Variants in MYOM2 observed in about 807,000 individuals in gnomAD.
MYOM2 encodes myomesin 2, also known as myomesin-2.
In MYOM2, 254 loss-of-function variants were observed where a neutral mutation model predicts 187.6. That is an observed-to-expected ratio of 1.35 (90% confidence interval 1.22 to 1.50). The LOEUF is 1.50. Ranked by LOEUF, MYOM2 falls within the 40% of genes most tolerant of loss-of-function variation. MYOM2 has a pLI of 0.00. For missense variants in MYOM2, 2,796 were observed against 1,924.0 expected, an observed-to-expected ratio of 1.45 and a Z score of -8.48; for synonymous variants, 981 against 753.8, an observed-to-expected ratio of 1.30 and a Z score of -4.94.
chr8:2,064,458 G>A (rs1001834494), intron 6 of MYOM2, among the ~76,000 whole-genome samples: 1 of 152,218 alleles, frequency 6.6e-6, no homozygotes, highest in Non-Finnish European at 1.5e-5. Flanking sequence ...GTCGTCAGTG[G>A]GTCGGGATCT....
chr8:2,086,944 T>C (rs1796112972), intron 14 of MYOM2, among the ~76,000 whole-genome samples: 1 of 152,114 alleles, frequency 6.6e-6, no homozygotes, highest in Non-Finnish European at 1.5e-5. Flanking sequence ...AAGCTTTTTT[T>C]TTTTCCTGAA....
rs1585905493 is a variant in MYOM2, at chr8:2,100,111, T to TC, written c.2441-764dup. Among the ~76,000 whole-genome samples the TC allele has an allele frequency of 3.7e-3, 364 of 98,038 alleles. 4 individuals carry two copies. The highest frequency in any genetic ancestry group is 0.011 in the African/African-American group (288 of 27,050). The allele number at this position is 98,038 out of a possible 152,430, so 64.3% of individuals were successfully genotyped here. A position where few individuals can be genotyped will look rare whatever the true frequency, so the allele number is the denominator to read the frequency against. ...TTCCTTCCTTCCTTCCTTCCTTCTTTCTTTCCTTCCTTCCTTCTTTCCTTC... is the reference window on the plus strand; with the variant it reads ...TTCCTTCCTTCCTTCCTTCCTTCTTTCCTTTCCTTCCTTCCTTCTTTCCTTC... On this transcript the variant is annotated intron_variant, in intron 19 of 36. Coordinates refer to ENST00000262113, the MANE Select transcript of MYOM2 (RefSeq NM_003970.4).
chr8:2,115,036 G>A (rs551941464), intron 25 of MYOM2, among the ~76,000 whole-genome samples: 1 of 147,650 alleles, frequency 6.8e-6, no homozygotes, highest in East Asian at 2.0e-4. Context: ...GTTTTGAAAG[G>A]TTTCATTAGA....
intron 31 of MYOM2, 51 bp downstream of exon 31, chr8:2,124,268 A>G (rs1429088844): frequency 1.9e-6 from 3 of 1,541,952 alleles, no homozygotes; most frequent in Admixed American, 3.5e-5. Context: ...TGAAATCACT[A>G]TTTCCTGACA....
chr8:2,048,753 T>TTTTA lies in MYOM2; in HGVS notation c.-12-1982_-12-1979dup, dbSNP rs772929748. On this transcript the variant is annotated intron_variant, in intron 1 of 36. Coordinates refer to ENST00000262113, the MANE Select transcript of MYOM2 (RefSeq NM_003970.4). ...ATCAGGGCGGGTGGAGGAGATATGC[T>TTTTA]TTTATTTATTTATTTATTTATTTTA... is the stretch of plus-strand genomic sequence containing the variant. 3.4e-4 allele frequency among the ~76,000 whole-genome samples: 51 copies of TTTTA among 151,210 alleles called. 2 individuals are homozygous for TTTTA. In the East Asian group the frequency reaches 4.7e-3, roughly 14 times the overall value.
Position 2,143,417 on chromosome 8 carries a change from C to G in MYOM2, c.4041C>G (p.Ile1347Met). Reference protein sequence around the residue: ...AFAEKNRGRLIGGLPDVVTIM... With the variant: ...AFAEKNRGRLMGGLPDVVTIM... ...CCGTTGCAGATCGTGGCAGGTTGAT[C>G]GGCGGCTTGCCTGACGTGGTGACCA... is the stretch of plus-strand genomic sequence containing the variant. Residue 1347 changes from isoleucine (I) to methionine (M), a missense_variant, in exon 36 of 37, where the codon ATC becomes ATG. By Grantham distance (10) the Ile-to-Met change is conservative. Coordinates refer to ENST00000262113, the MANE Select transcript of MYOM2 (RefSeq NM_003970.4). The G allele has an allele frequency of 6.2e-7, 1 of 1,614,130 alleles. No individual in the cohort carries two copies. Among genetic ancestry groups the G allele is most frequent in the Non-Finnish European group, 8.5e-7 (1 of 1,180,046 alleles).
intron 1 of MYOM2, among the ~76,000 whole-genome samples, chr8:2,048,878 C>G (rs1459326452): frequency 6.6e-6 from 1 of 151,664 alleles, no homozygotes; most frequent in Non-Finnish European, 1.5e-5. Flanking sequence ...CAAGCTCCGC[C>G]TCCCAGGTTC....
intron 11 of MYOM2, among the ~76,000 whole-genome samples, chr8:2,078,331 C>A (rs1013212942): frequency 4.6e-5 from 7 of 152,190 alleles, no homozygotes; most frequent in Non-Finnish European, 1.0e-4. Context: ...GTTTCCCCAG[C>A]CTGGGCCTCA....
Position 2,144,852 on chromosome 8 carries a change from G to C in MYOM2, c.4269G>C (p.Lys1423Asn). ...AGTACAGCATCAACATCAAGAATAA[G>C]TATGGCGGGGAGAAGATCGACGTGA... is the stretch of plus-strand genomic sequence containing the variant. ...SGKYSINIKN[K>N]YGGEKIDVTV... is the part of the protein sequence containing the mutation. Residue 1423 changes from lysine (K) to asparagine (N), a missense_variant, in exon 37 of 37, where the codon AAG becomes AAC. By Grantham distance (94) the Lys-to-Asn change is moderately conservative. Transcript: ENST00000262113. 1 of 1,614,158 alleles carries C rather than the reference G, an allele frequency of 6.2e-7. No homozygotes were observed. The highest frequency in any genetic ancestry group is 8.5e-7 in the Non-Finnish European group (1 of 1,180,034).
chr8:2,079,614 G>A lies in MYOM2; in HGVS notation c.1516+1G>A. 1 of 1,614,112 alleles carries A rather than the reference G, an allele frequency of 6.2e-7. No individual in the cohort carries two copies. The highest frequency in any genetic ancestry group is 8.5e-7 in the Non-Finnish European group (1 of 1,179,974). ...GCCATTTATCAGGATGACCTTGAAG[G>A]TAAGTAGCACCTCATCACCCCAGCT... is the stretch of plus-strand genomic sequence containing the variant. On this transcript the variant is annotated splice_donor_variant, in intron 13 of 36. Coordinates refer to ENST00000262113, the MANE Select transcript of MYOM2 (RefSeq NM_003970.4). LOFTEE classifies it high-confidence loss of function.
chr8:2,133,994 C>T (rs1423540171), intron 32 of MYOM2, among the ~76,000 whole-genome samples: 3 of 150,978 alleles, frequency 2.0e-5, no homozygotes, highest in Admixed American at 6.6e-5. Context: ...ACCCTCTTCC[C>T]CTGAGGTTAA....
chr8:2,100,427 C>T (rs1796667134), intron 19 of MYOM2: 2 of 169,660 alleles, frequency 1.2e-5, no homozygotes, highest in Admixed American at 5.8e-5. Flanking sequence ...ACCTGGGCCT[C>T]CGCACCACAT....
chr8:2,126,826 G>T (rs557553393), intron 31 of MYOM2, among the ~76,000 whole-genome samples: 9 of 143,162 alleles, frequency 6.3e-5, no homozygotes, highest in Non-Finnish European at 9.1e-5. Flanking sequence ...AAGTCTGGGG[G>T]AGCACTGGGA....
At chr8:2,051,781 T>C (rs1334546184) in intron 2 of MYOM2, among the ~76,000 whole-genome samples, 1 of 152,126 alleles carries the variant, frequency 6.6e-6, no homozygotes, top group African/African-American at 2.4e-5. Flanking sequence ...GGGGTATGGG[T>C]GTGGGCACAC....
intron 14 of MYOM2, 57 bp downstream of exon 14, chr8:2,085,447 A>ATCTCCGCGTGGCCCCCCACAGTCG: frequency 1.5e-6 from 2 of 1,342,496 alleles, no homozygotes; most frequent in Admixed American, 4.4e-5. Flanking sequence ...CCCCACTGTC[A>ATCTCCGCGTGGCCCCCCACAGTCG]TGATCTCTGC....
In MYOM2 at chr8:2,073,401, T is replaced by A; in HGVS notation, c.1021T>A (p.Ser341Thr). ...CTTTGGAGAAGGCCAGGCCTCCCTG[T>A]CCTTCAGCCACCTGCACAAGGACGA... is the stretch of plus-strand genomic sequence containing the variant. ...MFFGEGQASL[S>T]FSHLHKDDEG... Residue 341 changes from serine to threonine, a missense_variant, in exon 10 of 37, where the codon TCC (serine) becomes ACC (threonine). By Grantham distance (58) the Ser-to-Thr change is moderately conservative (BLOSUM62 1). Coordinates refer to ENST00000262113, the MANE Select transcript of MYOM2 (RefSeq NM_003970.4). The A allele has an allele frequency of 6.2e-7, 1 of 1,613,424 alleles. No individual in the cohort carries two copies. Among genetic ancestry groups the A allele is most frequent in the Non-Finnish European group, 8.5e-7 (1 of 1,179,812 alleles).
chr8:2,122,232 C>T (rs187282775), intron 28 of MYOM2, among the ~76,000 whole-genome samples: 4 of 152,296 alleles, frequency 2.6e-5, no homozygotes, highest in African/African-American at 4.8e-5. Flanking sequence ...GAGCCTCAGC[C>T]GCAGTCCATT....
chr8:2,052,014 C>A, intron 2 of MYOM2, 144 bp from the exon 3 acceptor site: 1 of 948,266 alleles, frequency 1.1e-6, no homozygotes, highest in Non-Finnish European at 1.6e-6. Flanking sequence ...GCATGCCTCT[C>A]ATATGCCTGT....
chr8:2,063,364 C>T (rs1174999840), intron 6 of MYOM2, among the ~76,000 whole-genome samples: 4 of 152,174 alleles, frequency 2.6e-5, no homozygotes, highest in Admixed American at 6.5e-5. Flanking sequence ...GCCACGGTAG[C>T]TGGATTCTTA....
Sources: gnomAD v4.1 joint callset for allele counts (sites outside exome capture counted in the v4.1 genomes callset) on GRCh38, gnomAD v4.1.1 for gene constraint, MANE v1.5 for transcripts, NCBI Gene and HGNC (gene_info 2026-07-23, HGNC 2026-07-21) for gene names.